Variants in MTMR9 observed in about 807,000 individuals in gnomAD.
The protein encoded by MTMR9 is myotubularin related protein 9, also known as myotubularin-related protein 9.
Under a neutral mutation model 69.5 loss-of-function variants are expected in MTMR9, and 39 were observed. The observed-to-expected ratio is 0.56, with a 90% CI of 0.43 to 0.73. The LOEUF (loss-of-function observed/expected upper bound fraction) is 0.73, where lower values mean the gene tolerates loss of function less well. Among genes scored for constraint, MTMR9 ranks in the 30% least tolerant of loss-of-function variants. The probability of loss-of-function intolerance (pLI) is 0.00; values close to 1 mark genes in which losing one functional copy is unlikely to be tolerated. For synonymous variants in MTMR9, 354 were observed against 240.8 expected (o/e 1.47, Z -4.35); for missense variants, 900 against 671.2 (o/e 1.34, Z -3.77).
intron 2 of MTMR9, among the ~76,000 whole-genome samples, chr8:11,296,088 A>G (rs1799547811): frequency 7.2e-6 from 1 of 139,218 alleles, no homozygotes; most frequent in Non-Finnish European, 1.6e-5. Flanking sequence ...ATATTATTGT[A>G]CCATATTATT....
At chr8:11,299,284 C>T (rs376114057) in intron 2 of MTMR9, among the ~76,000 whole-genome samples, 29 of 152,248 alleles carry the variant, frequency 1.9e-4, no homozygotes, top group Middle Eastern at 6.8e-3. Flanking sequence ...GAGCCGAGAT[C>T]GCGCCATTCT....
intron 8 of MTMR9, 158 bp from the exon 9 acceptor site, chr8:11,319,529 T>C (rs1250211825): frequency 4.2e-6 from 3 of 719,930 alleles, no homozygotes; most frequent in Admixed American, 2.9e-5. Flanking sequence ...ATTGAGCTTT[T>C]TGACAAATCT....
chr8:11,334,199 A>G, the MTMR9 span, among the ~76,000 whole-genome samples: 1 of 152,350 alleles, frequency 6.6e-6, no homozygotes, highest in Admixed American at 6.5e-5. Flanking sequence ...TTATAGTAGC[A>G]GAAAAATGGA....
At position 11,300,123 on chromosome 8, in the gene MTMR9, A is replaced by C; in HGVS notation, c.392A>C (p.Gln131Pro). Residue 131 changes from glutamine (Q) to proline (P), a missense_variant, in exon 3 of 10, where the codon CAA (glutamine) becomes CCA (proline). By Grantham distance (76) the Gln-to-Pro change is moderately conservative (BLOSUM62 -1). Transcript: ENST00000221086. ...EDGWHSFLPEQEFELYSSATS... is the reference protein window; with the variant it reads ...EDGWHSFLPEPEFELYSSATS... ...GGCTGGCATTCCTTCCTTCCTGAGC[A>C]AGAATTTGAACTCTATTCTTCAGCT... 1 of 1,613,460 alleles carries C rather than the reference A, an allele frequency of 6.2e-7. No homozygotes were observed. The highest frequency in any genetic ancestry group is 8.5e-7 in the Non-Finnish European group (1 of 1,179,550).
the MTMR9 span, among the ~76,000 whole-genome samples, chr8:11,339,461 C>T: frequency 0.58 from 88,478 of 152,108 alleles, 26,515 homozygotes; most frequent in East Asian, 0.97. Context: ...ATGAGCAAAC[C>T]CAGATCTGTA....
chr8:11,313,412 CTT>C (rs1800283608), intron 6 of MTMR9, among the ~76,000 whole-genome samples: 1 of 152,234 alleles, frequency 6.6e-6, no homozygotes, highest in African/African-American at 2.4e-5. Flanking sequence ...TGGAGAAGCA[CTT>C]TTAATTTCCA....
chr8:11,336,647 T>C, the MTMR9 span, among the ~76,000 whole-genome samples: 3 of 152,200 alleles, frequency 2.0e-5, no homozygotes, highest in Non-Finnish European at 4.4e-5. Flanking sequence ...TAAGCAAATA[T>C]ACCCTTAAAG....
rs1490889871 is a variant in MTMR9, at chr8:11,327,350, A to G, written c.*4562A>G. The G allele has an allele frequency of 6.6e-6, 1 of 152,246 alleles. No individual in the cohort carries two copies. Among genetic ancestry groups the G allele is most frequent in the Non-Finnish European group, 1.5e-5 (1 of 68,042 alleles). 9.4% of individuals were successfully genotyped at this position (152,246 alleles called of 1,614,324 possible). A position where few individuals can be genotyped will look rare whatever the true frequency, so the allele number is the denominator to read the frequency against. On this transcript the variant is annotated 3_prime_UTR_variant, in exon 10 of 10. Coordinates refer to ENST00000221086, the MANE Select transcript of MTMR9 (RefSeq NM_015458.4). ...TGCAAAGTAATTCTGATGAGAGTTT[A>G]CTGACTTCTAGAGCCATTCTCTTTA...
rs1403830383 is a variant in MTMR9 at position 11,323,521 on chromosome 8, T to C, written c.*733T>C. On this transcript the variant is annotated 3_prime_UTR_variant, in exon 10 of 10. Transcript: ENST00000221086. ...GTAGGAATTTGTTACTGATTGAGAA[T>C]TGTTACTGGTGAATTGGTTTTCAGG... 2 of 152,244 alleles carry C rather than the reference T, an allele frequency of 1.3e-5. No individual in the cohort carries two copies. The highest frequency in any genetic ancestry group is 4.8e-5 in the African/African-American group (2 of 41,460). The allele number at this position is 152,244 out of a possible 1,614,324, so 9.4% of individuals were successfully genotyped here. A position where few individuals can be genotyped will look rare whatever the true frequency, so the allele number is the denominator to read the frequency against.
downstream of MTMR9, among the ~76,000 whole-genome samples, chr8:11,330,037 C>T (rs577877221): frequency 4.0e-5 from 6 of 151,238 alleles, no homozygotes; most frequent in East Asian, 5.9e-4. Flanking sequence ...GCACCCCGCC[C>T]GGCAGCCGCC....
downstream of MTMR9, chr8:11,332,045 A>G (rs757415340): frequency 2.5e-6 from 4 of 1,611,940 alleles, no homozygotes; most frequent in Admixed American, 6.7e-5. Context: ...TCATGGGGGC[A>G]GGGGTTGTGC....
downstream of MTMR9, among the ~76,000 whole-genome samples, chr8:11,328,498 A>G (rs1425043230): frequency 6.6e-6 from 1 of 152,172 alleles, no homozygotes; most frequent in African/African-American, 2.4e-5. Flanking sequence ...TTGATTTAGT[A>G]TGTATTAATA....
At chr8:11,286,303 G>A (rs146234822) in intron 1 of MTMR9, among the ~76,000 whole-genome samples, 1,564 of 151,878 alleles carry the variant, frequency 0.01, 21 homozygotes, top group African/African-American at 0.035. Context: ...GTGAAGCCAT[G>A]GTAGATTGAT....
intron 6 of MTMR9, among the ~76,000 whole-genome samples, chr8:11,314,072 G>T (rs1337948438): frequency 6.6e-6 from 1 of 152,210 alleles, no homozygotes; most frequent in Admixed American, 6.5e-5. Context: ...TACGAGTGTA[G>T]AATAAGAGTG....
the MTMR9 span, among the ~76,000 whole-genome samples, chr8:11,337,938 A>G: frequency 2.0e-5 from 3 of 152,264 alleles, no homozygotes; most frequent in Non-Finnish European, 4.4e-5. Flanking sequence ...GAATATAAAT[A>G]GAATCAAATC....
At chr8:11,301,523 A>T (rs913178785) in intron 3 of MTMR9, among the ~76,000 whole-genome samples, 1 of 152,244 alleles carries the variant, frequency 6.6e-6, no homozygotes, top group Non-Finnish European at 1.5e-5. Flanking sequence ...TTATGCAACT[A>T]AACATGAGAA....
intron 1 of MTMR9, among the ~76,000 whole-genome samples, chr8:11,289,614 G>T (rs2572426): frequency 6.6e-6 from 1 of 151,732 alleles, no homozygotes; most frequent in Non-Finnish European, 1.5e-5. Flanking sequence ...TTTCACTCCC[G>T]TTTCCTGCCT....
intron 7 of MTMR9, chr8:11,315,752 C>T (rs924448352): frequency 6.6e-6 from 1 of 152,316 alleles, no homozygotes; most frequent in East Asian, 1.9e-4. Flanking sequence ...CTGACCTTAC[C>T]TCTGTTTAAG....
At chr8:11,333,918 A>G in the MTMR9 span, among the ~76,000 whole-genome samples, 3 of 152,264 alleles carry the variant, frequency 2.0e-5, no homozygotes, top group Admixed American at 6.5e-5. Context: ...TGATTAGGTC[A>G]TAAGGGCTCT....
Sources: allele counts gnomAD v4.1 joint callset (sites outside exome capture counted in the v4.1 genomes callset), GRCh38; gene constraint gnomAD v4.1.1; transcripts MANE v1.5; gene names NCBI Gene and HGNC (gene_info 2026-07-23, HGNC 2026-07-21).